Variants in ASB4 observed in about 807,000 individuals in gnomAD.
The protein encoded by ASB4 is ankyrin repeat and SOCS box protein 4.
Under a neutral mutation model 38.6 loss-of-function variants are expected in ASB4, and 35 were observed. The ratio of observed to expected loss-of-function variants is 0.91; its 90% CI spans 0.69 to 1.20. The LOEUF (loss-of-function observed/expected upper bound fraction) is 1.20. Ranked by LOEUF, ASB4 falls within the 50% of genes most tolerant of loss-of-function variation. The pLI is 0.00. For missense variants in ASB4, 557 were observed against 527.2 expected, an observed-to-expected ratio of 1.06 and a Z score of -0.55; for synonymous variants, 195 against 201.3, an observed-to-expected ratio of 0.97 and a Z score of 0.26.
chr7:95,531,791 G>T (rs566532822), intron 3 of ASB4, among the ~76,000 whole-genome samples: 2 of 152,216 alleles, frequency 1.3e-5, no homozygotes, highest in Admixed American at 1.3e-4. Flanking sequence ...CTCAACATGT[G>T]CTCTTGGTCC....
intron 2 of ASB4, among the ~76,000 whole-genome samples, chr7:95,521,674 A>T (rs1790663603): frequency 8.8e-6 from 1 of 113,224 alleles, no homozygotes; most frequent in African/African-American, 3.3e-5. Context: ...AATTCTGTTC[A>T]GCAGTTGAAA....
chr7:95,516,076 C>G (rs1790579914), intron 2 of ASB4, among the ~76,000 whole-genome samples: 1 of 152,138 alleles, frequency 6.6e-6, no homozygotes, highest in Non-Finnish European at 1.5e-5. Flanking sequence ...AATTTTGTCC[C>G]TGAGTGGAGG....
upstream of ASB4, among the ~76,000 whole-genome samples, chr7:95,476,783 G>C (rs1447317875): frequency 6.6e-6 from 1 of 152,056 alleles, no homozygotes; most frequent in Non-Finnish European, 1.5e-5. Context: ...ATAAGACAAC[G>C]GTCTGTAAAG....
At position 95,537,893 on chromosome 7, in the gene ASB4, C is replaced by A; in HGVS notation, c.*134C>A. On this transcript the variant is annotated 3_prime_UTR_variant, in exon 5 of 5. Transcript: ENST00000325885. ...TTTCAAAACACTTTACAAACACTGC[C>A]ATTAATCCTAGAATATCATGGTATG... 1 of 654,282 alleles carries A rather than the reference C, an allele frequency of 1.5e-6. No homozygotes were observed. The highest frequency in any genetic ancestry group is 2.2e-5 in the South Asian group (1 of 44,894). The allele number at this position is 654,282 out of a possible 1,614,324, so 40.5% of individuals were successfully genotyped here. A position where few individuals can be genotyped will look rare whatever the true frequency, so the allele number is the denominator to read the frequency against.
chr7:95,535,067 T>C (rs117424662), intron 3 of ASB4, among the ~76,000 whole-genome samples: 3,308 of 152,020 alleles, frequency 0.022, 47 homozygotes, highest in Non-Finnish European at 0.034. Flanking sequence ...CACACACACA[T>C]GCACATGCAC....
chr7:95,549,695 G>T, the ASB4 span, among the ~76,000 whole-genome samples: 1 of 152,096 alleles, frequency 6.6e-6, no homozygotes. Context: ...AAATATTTTG[G>T]TTGCTGTTTG....
At chr7:95,524,580 A>AAC (rs1304267394) in intron 2 of ASB4, among the ~76,000 whole-genome samples, 4 of 152,166 alleles carry the variant, frequency 2.6e-5, no homozygotes, top group East Asian at 1.9e-4. Context: ...CACCCCCCAA[A>AAC]ACACACACAC....
chr7:95,511,654 C>A (rs1790483017), intron 2 of ASB4, among the ~76,000 whole-genome samples: 1 of 150,618 alleles, frequency 6.6e-6, no homozygotes, highest in Non-Finnish European at 1.5e-5. Context: ...AAGAGCAAAA[C>A]TCCGTCTCAA....
At chr7:95,545,947 G>T in the ASB4 span, among the ~76,000 whole-genome samples, 326 of 152,308 alleles carry the variant, frequency 2.1e-3, 3 homozygotes, top group South Asian at 9.5e-3. Flanking sequence ...TCACAGAGTT[G>T]CTCCCTTCTG....
intron 4 of ASB4, 137 bp from the exon 5 acceptor site, chr7:95,537,434 C>T (rs1435748803): frequency 5.2e-6 from 3 of 574,096 alleles, no homozygotes; most frequent in Admixed American, 3.2e-5. Context: ...TTCAATATTG[C>T]GTTTAATTTT....
At chr7:95,532,549 A>G (rs1790833480) in intron 3 of ASB4, among the ~76,000 whole-genome samples, 1 of 152,172 alleles carries the variant, frequency 6.6e-6, no homozygotes, top group African/African-American at 2.4e-5. Context: ...CTGCCATTGA[A>G]CAATGCTGTA....
intron 2 of ASB4, among the ~76,000 whole-genome samples, chr7:95,520,781 A>G (rs2116633587): frequency 6.6e-6 from 1 of 152,170 alleles, no homozygotes. Context: ...TTCTGTAGGT[A>G]GGTCTGTTTC....
intron 2 of ASB4, among the ~76,000 whole-genome samples, chr7:95,502,402 C>G (rs1203373219): frequency 1.4e-5 from 2 of 146,268 alleles, no homozygotes; most frequent in Non-Finnish European, 1.5e-5. Context: ...GGGGGGGGGG[C>G]AAATTGATAA....
chr7:95,506,657 T>A (rs28889731), intron 2 of ASB4, among the ~76,000 whole-genome samples: 68,776 of 149,838 alleles, frequency 0.46, 16,329 homozygotes, highest in African/African-American at 0.58. Context: ...TATGTGAATT[T>A]TTATCTTCCT....
intron 2 of ASB4, among the ~76,000 whole-genome samples, chr7:95,501,409 A>G (rs1456035195): frequency 6.6e-6 from 1 of 152,222 alleles, no homozygotes; most frequent in Non-Finnish European, 1.5e-5. Context: ...GTAAGGCAAG[A>G]TGTCACTGGC....
At chr7:95,535,978 T>C (rs544714626) in intron 3 of ASB4, among the ~76,000 whole-genome samples, 1 of 152,352 alleles carries the variant, frequency 6.6e-6, no homozygotes, top group African/African-American at 2.4e-5. Context: ...CAGCTGGGAA[T>C]GTATTCTGTG....
intron 3 of ASB4, among the ~76,000 whole-genome samples, chr7:95,529,770 G>T (rs1790793831): frequency 6.6e-6 from 1 of 152,102 alleles, no homozygotes; most frequent in African/African-American, 2.4e-5. Flanking sequence ...GCTCTAAATA[G>T]GTTTTATACA....
At chr7:95,545,343 C>T in the ASB4 span, among the ~76,000 whole-genome samples, 1 of 152,134 alleles carries the variant, frequency 6.6e-6, no homozygotes, top group African/African-American at 2.4e-5. Flanking sequence ...GAATTTTGCT[C>T]TTGCCTTCAT....
At chr7:95,492,701 A>G (rs887448670) in intron 1 of ASB4, among the ~76,000 whole-genome samples, 2 of 152,204 alleles carry the variant, frequency 1.3e-5, no homozygotes, top group African/African-American at 4.8e-5. Context: ...GCAAATTTCC[A>G]ATCAGTTGTC....
Sources: allele counts gnomAD v4.1 joint callset (sites outside exome capture counted in the v4.1 genomes callset), GRCh38; gene constraint gnomAD v4.1.1; transcripts MANE v1.5; gene names NCBI Gene and HGNC (gene_info 2026-07-23, HGNC 2026-07-21).